The following ACTR3B variants were observed in gnomAD, a reference collection of about 807,000 sequenced individuals.
ACTR3B encodes the protein actin-related protein 3B.
In ACTR3B, 8 loss-of-function variants were observed where a neutral mutation model predicts 59.0. The observed-to-expected ratio is 0.14, with a 90% confidence interval of 0.08 to 0.24. The LOEUF (loss-of-function observed/expected upper bound fraction) is 0.24, where lower values mean the gene tolerates loss of function less well. Among genes scored for constraint, ACTR3B ranks in the 10% least tolerant of loss-of-function variants. The pLI, the probability that ACTR3B is intolerant of heterozygous loss-of-function variation, is 1.00. For synonymous variants in ACTR3B, 148 were observed against 197.9 expected, an observed-to-expected ratio of 0.75 and a Z score of 2.12; for missense variants, 245 against 552.3, an observed-to-expected ratio of 0.44 and a Z score of 5.58.
intron 10 of ACTR3B, 30 bp from the exon 11 acceptor site, chr7:152,853,464 G>T (rs76636878): frequency 0.092 from 147,280 of 1,603,406 alleles, 7,945 homozygotes; most frequent in Non-Finnish European, 0.11. Context: ...CTGTGGGTGT[G>T]GGGTAAGTGA....
intron 1 of ACTR3B, among the ~76,000 whole-genome samples, chr7:152,760,800 T>A (rs1169477429): frequency 6.6e-6 from 1 of 152,182 alleles, no homozygotes; most frequent in Non-Finnish European, 1.5e-5. Flanking sequence ...AGGTGATTGC[T>A]GAATCCATGT....
intron 9 of ACTR3B, among the ~76,000 whole-genome samples, chr7:152,851,730 A>G (rs1022371488): frequency 4.6e-5 from 7 of 152,168 alleles, no homozygotes; most frequent in African/African-American, 1.2e-4. Flanking sequence ...TCAAGCACCC[A>G]TTAGAAGACT....
intron 9 of ACTR3B, among the ~76,000 whole-genome samples, chr7:152,840,505 G>A (rs1295797063): frequency 1.3e-5 from 2 of 151,980 alleles, no homozygotes; most frequent in Non-Finnish European, 2.9e-5. Flanking sequence ...ACCAGACAGC[G>A]GGGGGAGTGT....
At chr7:152,792,171 G>A (rs1470896593) in intron 2 of ACTR3B, among the ~76,000 whole-genome samples, 3 of 152,138 alleles carry the variant, frequency 2.0e-5, no homozygotes, top group Non-Finnish European at 4.4e-5. Flanking sequence ...ACAGGTGTGA[G>A]CCACTGTGCC....
At chr7:152,814,827 T>A (rs34799236) in intron 5 of ACTR3B, among the ~76,000 whole-genome samples, 182 bp downstream of exon 5, 1 of 151,766 alleles carries the variant, frequency 6.6e-6, no homozygotes, top group Non-Finnish European at 1.5e-5. Flanking sequence ...TTCTTTTTAT[T>A]TTGATGCCAT....
chr7:152,833,376 C>G (rs1270007398), intron 9 of ACTR3B, among the ~76,000 whole-genome samples: 2 of 152,010 alleles, frequency 1.3e-5, no homozygotes, highest in Non-Finnish European at 2.9e-5. Context: ...GATTGCAGTC[C>G]CTGGGTTCAG....
intron 9 of ACTR3B, among the ~76,000 whole-genome samples, chr7:152,834,133 C>T (rs1269286956): frequency 8.6e-5 from 13 of 151,186 alleles, no homozygotes; most frequent in African/African-American, 2.4e-4. Context: ...GGAGAATTTA[C>T]TCCTTTGTAG....
At chr7:152,792,076 G>A (rs950758688) in intron 2 of ACTR3B, among the ~76,000 whole-genome samples, 2 of 152,084 alleles carry the variant, frequency 1.3e-5, no homozygotes, top group Non-Finnish European at 2.9e-5. Context: ...ATTTTTAGTA[G>A]AGATGGGTTT....
chr7:152,813,469 G>A (rs1795435718), intron 4 of ACTR3B: 1 of 152,158 alleles, frequency 6.6e-6, no homozygotes. Context: ...TTGGATTCTT[G>A]GAAATGTCTT....
At chr7:152,766,684 C>T (rs1385470041) in intron 1 of ACTR3B, among the ~76,000 whole-genome samples, 4 of 152,200 alleles carry the variant, frequency 2.6e-5, no homozygotes, top group Non-Finnish European at 5.9e-5. Flanking sequence ...TTTCTTTAGG[C>T]AATCGGATTT....
chr7:152,762,232 T>G (rs554252421), intron 1 of ACTR3B, among the ~76,000 whole-genome samples: 2 of 152,156 alleles, frequency 1.3e-5, no homozygotes, highest in Non-Finnish European at 2.9e-5. Context: ...ATCTGCTGAG[T>G]CCAAAAATAA....
intron 10 of ACTR3B, 43 bp downstream of exon 10, chr7:152,852,294 C>T: frequency 4.5e-6 from 7 of 1,554,932 alleles, no homozygotes; most frequent in Non-Finnish European, 5.2e-6. Flanking sequence ...GGCTATTGCC[C>T]CAGGCCTGAC....
At chr7:152,765,062 A>G (rs2098104070) in intron 1 of ACTR3B, among the ~76,000 whole-genome samples, 2 of 142,550 alleles carry the variant, frequency 1.4e-5, no homozygotes, top group African/African-American at 5.2e-5. Flanking sequence ...TCTTTATTTT[A>G]CTTATTTATT....
intron 1 of ACTR3B, among the ~76,000 whole-genome samples, chr7:152,777,119 T>A (rs1025363566): frequency 6.6e-6 from 1 of 152,204 alleles, no homozygotes; most frequent in African/African-American, 2.4e-5. Context: ...TGCATTAAAA[T>A]TTTTGATAGC....
intron 9 of ACTR3B, among the ~76,000 whole-genome samples, chr7:152,835,624 C>T (rs1797386549): frequency 6.6e-6 from 1 of 152,126 alleles, no homozygotes; most frequent in Admixed American, 6.6e-5. Context: ...TTTCCTCAAA[C>T]CTTCAGTTGG....
chr7:152,790,863 T>A (rs1005964713), intron 2 of ACTR3B, among the ~76,000 whole-genome samples: 7 of 152,170 alleles, frequency 4.6e-5, no homozygotes, highest in African/African-American at 1.7e-4. Flanking sequence ...TTAGATACAG[T>A]CTTCTCGATA....
chr7:152,827,643 G>A (rs1335282067), intron 9 of ACTR3B, among the ~76,000 whole-genome samples: 2 of 150,890 alleles, frequency 1.3e-5, no homozygotes, highest in Non-Finnish European at 1.5e-5. Flanking sequence ...TCAGGTCCCC[G>A]CTGCCGGGGA....
At chr7:152,772,418 G>A (rs1436108302) in intron 1 of ACTR3B, among the ~76,000 whole-genome samples, 3 of 152,096 alleles carry the variant, frequency 2.0e-5, no homozygotes, top group Admixed American at 6.5e-5. Flanking sequence ...TCAGTAACCT[G>A]GGAGGCAGAG....
intron 9 of ACTR3B, among the ~76,000 whole-genome samples, chr7:152,845,944 A>T (rs1215020874): frequency 6.6e-6 from 1 of 152,264 alleles, no homozygotes; most frequent in African/African-American, 2.4e-5. Context: ...TTTTTAGAAG[A>T]AAAATCTGAA....
Sources: allele counts gnomAD v4.1 joint callset (sites outside exome capture counted in the v4.1 genomes callset), GRCh38; gene constraint gnomAD v4.1.1; transcripts MANE v1.5; gene names NCBI Gene and HGNC (gene_info 2026-07-23, HGNC 2026-07-21).